The following HUWE1 variants were observed in gnomAD, a reference collection of about 807,000 sequenced individuals.
The protein encoded by HUWE1 is E3 ubiquitin-protein ligase HUWE1.
HUWE1 carries 18 observed loss-of-function variants against 299.4 expected under a neutral mutation model. The observed-to-expected ratio is 0.06, with a 90% CI of 0.04 to 0.09. The LOEUF (loss-of-function observed/expected upper bound fraction) is 0.09, where lower values mean the gene tolerates loss of function less well. Ranked by LOEUF, HUWE1 falls within the 10% of genes least tolerant of loss-of-function variation. The probability of loss-of-function intolerance (pLI) is 1.00; values close to 1 mark genes in which losing one functional copy is unlikely to be tolerated. For synonymous variants in HUWE1, 1,317 were observed against 1,286.1 expected (o/e 1.02, Z -0.51); for missense variants, 1,832 against 3,462.3 (o/e 0.53, Z 11.82).
chrX:53,550,040 C>T lies in HUWE1; in HGVS notation c.9489-535G>A, dbSNP rs143142266. On this transcript the variant is annotated intron_variant, in intron 66 of 83. Transcript: ENST00000262854. ...GTGCTGGGATTATAGGTGTGAGCCACGACAACTGGCCGAGAACCACCCATT... is the reference window on the plus strand; with the variant it reads ...GTGCTGGGATTATAGGTGTGAGCCATGACAACTGGCCGAGAACCACCCATT... 3.2e-4 allele frequency among the ~76,000 whole-genome samples: 35 copies of T among 111,044 alleles called. 1 individual carries two copies. Among genetic ancestry groups the T allele is most frequent in the African/African-American group, 8.8e-4 (27 of 30,538 alleles).
chrX:53,628,925 CA>C lies in HUWE1; in HGVS notation c.964-24del, dbSNP rs2066691008. 3 of 1,150,928 alleles carry C rather than the reference CA, an allele frequency of 2.6e-6. No individual in the cohort carries two copies. The East Asian group carries it at 9.0e-5, about 34-fold the overall frequency. The allele number at this position is 1,150,928 out of a possible 1,213,427, so 94.8% of individuals were successfully genotyped here. On this transcript the variant is annotated intron_variant, in intron 13 of 83. Coordinates refer to ENST00000262854, the MANE Select transcript of HUWE1 (RefSeq NM_031407.7). ...CTCCTATTAAATTAGAAGGTAAACACATAATGTGTCAAATATAATAAGATGA... is the reference window on the plus strand; with the variant it reads ...CTCCTATTAAATTAGAAGGTAAACACTAATGTGTCAAATATAATAAGATGA...
Position 53,549,392 on chromosome X carries a change from T to C in HUWE1, c.9602A>G (p.Asn3201Ser). The C allele has an allele frequency of 8.3e-7, 1 of 1,211,442 alleles. No homozygotes were observed. The highest frequency in any genetic ancestry group is 1.1e-6 in the Non-Finnish European group (1 of 895,254). Residue 3201 changes from asparagine (N) to serine (S), a missense_variant, in exon 67 of 84, where the codon AAT (asparagine) becomes AGT (serine). Physicochemically the swap from Asn to Ser is conservative, Grantham distance 46. Transcript: ENST00000262854. The stretch of plus-strand genomic sequence containing the variant: ...CAGTACTCGGTGTAGACGGCTAGTA[T>C]TGAGCTTTGGCTCATCCACAAAAAG... ...VLLFVDEPKL[N>S]TSRLHRVLRN...
chrX:53,617,957 G>A (rs2065894050), intron 19 of HUWE1, among the ~76,000 whole-genome samples: 1 of 111,812 alleles, frequency 8.9e-6, no homozygotes. Context: ...CTCATACAAA[G>A]GTTATTCAAC....
intron 15 of HUWE1, 137 bp from the exon 16 acceptor site, chrX:53,628,016 G>A: frequency 1.8e-6 from 1 of 546,435 alleles, no homozygotes; most frequent in Non-Finnish European, 3.1e-6. Context: ...TTTTATTTTT[G>A]GTGCCTGCCA....
At chrX:53,585,604 C>A (rs1215747665) in intron 39 of HUWE1, among the ~76,000 whole-genome samples, 1 of 112,391 alleles carries the variant, frequency 8.9e-6, no homozygotes, top group Non-Finnish European at 1.9e-5. Context: ...TAGAAGGATG[C>A]AGCACTAAGG....
At position 53,588,439 on chromosome X, in the gene HUWE1, T is replaced by C; in HGVS notation, c.4557A>G (p.Thr1519=). 8.3e-7 allele frequency: 1 copy of C among 1,209,392 alleles called. No individual in the cohort carries two copies. The highest frequency in any genetic ancestry group is 1.8e-5 in the South Asian group (1 of 56,507). ...TAGCCAAATTGGAGGCCTGGGGCAG[T>C]GTGGCCATCTGACTTATCCACTCTG... is the stretch of plus-strand genomic sequence containing the variant. ...TVSEWISQMA[T]LPQASNLATR... The change falls in exon 37 of 84, where the codon ACA becomes ACG. Residue 1519 remains threonine, a synonymous_variant. Transcript: ENST00000262854.
At chrX:53,629,933 C>G (rs147417341) in intron 12 of HUWE1, among the ~76,000 whole-genome samples, 1,222 of 112,381 alleles carry the variant, frequency 0.011, 22 homozygotes, top group African/African-American at 0.038. Flanking sequence ...ACTATGCCTT[C>G]AATATAAGAT....
At chrX:53,569,905 C>T in intron 47 of HUWE1, 78 bp from the exon 48 acceptor site, 1 of 836,220 alleles carries the variant, frequency 1.2e-6, no homozygotes, top group Non-Finnish European at 1.8e-6. Flanking sequence ...AAGATACACA[C>T]ACACATAGTA....
intron 7 of HUWE1, among the ~76,000 whole-genome samples, chrX:53,639,361 CAT>C (rs1742584787): frequency 9.0e-6 from 1 of 111,563 alleles, no homozygotes; most frequent in Admixed American, 9.5e-5. Context: ...TAACTAAATT[CAT>C]ATATAAGATT....
At chrX:53,562,950 C>A (rs2062361141) in intron 52 of HUWE1, 21 bp from the exon 53 acceptor site, 2 of 1,156,627 alleles carry the variant, frequency 1.7e-6, no homozygotes, top group African/African-American at 3.5e-5. Context: ...CAGAGCAGAG[C>A]CTTCACTGAA....
At chrX:53,665,118 CATA>C (rs1410937681) in intron 3 of HUWE1, among the ~76,000 whole-genome samples, 2 of 111,477 alleles carry the variant, frequency 1.8e-5, no homozygotes, top group Admixed American at 9.5e-5. Context: ...CTACATTGCA[CATA>C]ATGTCTATAT....
chrX:53,620,550 T>G (rs192713777), intron 19 of HUWE1, among the ~76,000 whole-genome samples: 1 of 111,991 alleles, frequency 8.9e-6, no homozygotes, highest in Admixed American at 9.4e-5. Context: ...CTGGCCCATC[T>G]GTTGTACTGT....
rs1048679177 is a variant in HUWE1 at position 53,593,667 on chromosome X, C to T, written c.3504-66G>A. On this transcript the variant is annotated intron_variant, in intron 31 of 83. Coordinates refer to ENST00000262854, the MANE Select transcript of HUWE1 (RefSeq NM_031407.7). ...TTACCCTGGCAAGGGGGGTTTACAT[C>T]TAAAAGGTCCCCAATCTCTATATTG... The T allele has an allele frequency of 4.5e-5, 37 of 824,236 alleles. No homozygotes were observed. In the Middle Eastern group the frequency reaches 1.3e-3, roughly 28 times the overall value. 67.9% of individuals were successfully genotyped at this position (824,236 alleles called of 1,213,427 possible). A position where few individuals can be genotyped will look rare whatever the true frequency, so the allele number is the denominator to read the frequency against.
At chrX:53,661,894 C>T (rs1016429937) in intron 3 of HUWE1, among the ~76,000 whole-genome samples, 2 of 111,748 alleles carry the variant, frequency 1.8e-5, no homozygotes, top group Non-Finnish European at 3.8e-5. Flanking sequence ...AACAAGTGTA[C>T]ACAACTAAAA....
At chrX:53,647,264 T>G (rs1452445338) in intron 6 of HUWE1, 104 bp downstream of exon 6, 36 of 583,518 alleles carry the variant, frequency 6.2e-5, no homozygotes, top group Non-Finnish European at 1.1e-4. Flanking sequence ...AACCCAGAGC[T>G]CCACAATGAA....
intron 28 of HUWE1, among the ~76,000 whole-genome samples, chrX:53,601,691 G>A (rs183228984): frequency 3.1e-4 from 32 of 101,862 alleles, no homozygotes; most frequent in South Asian, 2.4e-3. Context: ...TTCCTGAGGC[G>A]GTGTTTCGCT....
rs781812743 is a variant in HUWE1, at chrX:53,564,676, A to G, written c.6927T>C (p.Thr2309=). The stretch of plus-strand genomic sequence containing the variant: ...TATCCCCATCTGCCACCTCTGTCTG[A>G]GTGACATCATGATCCTCCTCCTGCA... ...AEVQEEDHDV[T]QTEVADGDIM... is the part of the protein sequence containing the mutation. Residue 2309 remains threonine (T), a synonymous_variant, in exon 51 of 84, where the codon ACT becomes ACC. Transcript: ENST00000262854. 8.3e-7 allele frequency: 1 copy of G among 1,211,703 alleles called. No homozygotes were observed. The highest frequency in any genetic ancestry group is 1.1e-6 in the Non-Finnish European group (1 of 895,399).
chrX:53,572,769 A>C (rs1225799761), intron 47 of HUWE1, among the ~76,000 whole-genome samples: 3 of 111,874 alleles, frequency 2.7e-5, no homozygotes, highest in Non-Finnish European at 3.8e-5. Flanking sequence ...GTGTCTTTGC[A>C]CATGTGTGAG....
intron 3 of HUWE1, among the ~76,000 whole-genome samples, chrX:53,672,012 A>C (rs1557049566): frequency 9.1e-6 from 1 of 109,728 alleles, no homozygotes; most frequent in African/African-American, 3.3e-5. Context: ...TGCATACAAT[A>C]GAATACAATG....
Sources: gnomAD v4.1 joint callset for allele counts (sites outside exome capture counted in the v4.1 genomes callset) on GRCh38, gnomAD v4.1.1 for gene constraint, MANE v1.5 for transcripts, NCBI Gene and HGNC (gene_info 2026-07-23, HGNC 2026-07-21) for gene names.